The following ZRANB3 variants were observed in gnomAD, a reference collection of about 807,000 sequenced individuals.
ZRANB3 encodes the protein zinc finger RANBP2-type containing 3.
ZRANB3 carries 125 observed loss-of-function variants against 133.8 expected under a neutral mutation model. That is an observed-to-expected ratio of 0.93 (90% CI 0.81 to 1.08). The LOEUF is 1.08. Among genes scored for constraint, ZRANB3 ranks in the 50% least tolerant of loss-of-function variants. The probability of loss-of-function intolerance (pLI) is 0.00; values close to 1 mark genes in which losing one functional copy is unlikely to be tolerated. For missense variants in ZRANB3, 1,229 were observed against 1,275.5 expected (o/e 0.96, Z 0.56); for synonymous variants, 387 against 432.7 (o/e 0.89, Z 1.31).
At chr2:135,321,314 C>T (rs528347765) in intron 6 of ZRANB3, among the ~76,000 whole-genome samples, 33 of 152,250 alleles carry the variant, frequency 2.2e-4, no homozygotes, top group Admixed American at 1.1e-3. Flanking sequence ...TTCTAATGCA[C>T]GTGTACTGGT....
intron 2 of ZRANB3, among the ~76,000 whole-genome samples, chr2:135,401,826 C>T (rs554499042): frequency 1.3e-3 from 201 of 152,234 alleles, no homozygotes; most frequent in African/African-American, 4.7e-3. Flanking sequence ...TTATGTGCAG[C>T]TGAACTCAAT....
At chr2:135,387,819 C>T (rs1687048159) in intron 3 of ZRANB3, among the ~76,000 whole-genome samples, 2 of 152,056 alleles carry the variant, frequency 1.3e-5, no homozygotes, top group Admixed American at 1.3e-4. Context: ...AAGATGACAA[C>T]ATGTGAATCA....
chr2:135,363,868 G>C (rs539390293), intron 3 of ZRANB3, among the ~76,000 whole-genome samples: 7 of 152,206 alleles, frequency 4.6e-5, no homozygotes, highest in Non-Finnish European at 4.4e-5. Context: ...CTGATGCCAG[G>C]ATTTTTGAGA....
intron 15 of ZRANB3, among the ~76,000 whole-genome samples, chr2:135,221,074 C>A (rs1363631491): frequency 6.6e-6 from 1 of 151,940 alleles, no homozygotes; most frequent in Non-Finnish European, 1.5e-5. Context: ...CCAGGCTGGT[C>A]ACGAATTCCT....
At chr2:135,340,199 C>A (rs1573938773) in intron 6 of ZRANB3, among the ~76,000 whole-genome samples, 1 of 150,774 alleles carries the variant, frequency 6.6e-6, no homozygotes, top group South Asian at 2.1e-4. Context: ...TCCGCCTCCT[C>A]AGTTCTAGTG....
chr2:135,519,631 A>G (rs946548124), intron 1 of ZRANB3, among the ~76,000 whole-genome samples: 1 of 152,218 alleles, frequency 6.6e-6, no homozygotes, highest in Admixed American at 6.5e-5. Context: ...CTGGTCCTAT[A>G]AACAGTTATA....
At chr2:135,435,456 A>G (rs1689492264) in intron 2 of ZRANB3, among the ~76,000 whole-genome samples, 1 of 152,106 alleles carries the variant, frequency 6.6e-6, no homozygotes, top group Non-Finnish European at 1.5e-5. Flanking sequence ...TTGAACATTC[A>G]CATGCATGTG....
intron 8 of ZRANB3, among the ~76,000 whole-genome samples, chr2:135,289,205 A>G (rs932860265): frequency 1.3e-5 from 2 of 152,072 alleles, no homozygotes; most frequent in Non-Finnish European, 2.9e-5. Context: ...TCAGGAACAG[A>G]CTATTTAATT....
At chr2:135,512,349 T>C (rs1693503169) in intron 1 of ZRANB3, among the ~76,000 whole-genome samples, 2 of 152,180 alleles carry the variant, frequency 1.3e-5, no homozygotes, top group Admixed American at 1.3e-4. Flanking sequence ...AATCAGATAT[T>C]GTTAAAATAC....
At chr2:135,358,751 A>G (rs1295365188) in intron 3 of ZRANB3, among the ~76,000 whole-genome samples, 1 of 152,174 alleles carries the variant, frequency 6.6e-6, no homozygotes, top group Non-Finnish European at 1.5e-5. Flanking sequence ...ATGGAAGCAA[A>G]CAGAAGGATA....
intron 6 of ZRANB3, among the ~76,000 whole-genome samples, chr2:135,340,682 G>C (rs1684608349): frequency 6.6e-6 from 1 of 151,802 alleles, no homozygotes; most frequent in East Asian, 1.9e-4. Context: ...TGTATTTTTT[G>C]TATTTTGTAA....
chr2:135,455,758 A>T (rs1179535849), intron 2 of ZRANB3, among the ~76,000 whole-genome samples: 1 of 149,864 alleles, frequency 6.7e-6, no homozygotes, highest in East Asian at 2.0e-4. Context: ...CACCCAGCTA[A>T]TTTCTTTTTG....
intron 2 of ZRANB3, among the ~76,000 whole-genome samples, chr2:135,493,979 A>G (rs1010621128): frequency 3.3e-5 from 5 of 152,306 alleles, no homozygotes; most frequent in African/African-American, 1.2e-4. Flanking sequence ...ATCCACATAA[A>G]CTGCATGATT....
intron 2 of ZRANB3, among the ~76,000 whole-genome samples, chr2:135,407,844 C>A (rs60890506): frequency 0.019 from 2,021 of 104,448 alleles, 118 homozygotes; most frequent in African/African-American, 0.076. Flanking sequence ...AAAGACTTAC[C>A]ACGTTAGACC....
chr2:135,525,986 G>A (rs1239566291), intron 1 of ZRANB3, among the ~76,000 whole-genome samples: 1 of 151,918 alleles, frequency 6.6e-6, no homozygotes, highest in African/African-American at 2.4e-5. Context: ...GGTATCTAAA[G>A]TATGTAGTCA....
At chr2:135,217,746 T>C (rs752856424) in intron 16 of ZRANB3, 139 bp from the exon 17 acceptor site, 10 of 999,828 alleles carry the variant, frequency 1.0e-5, no homozygotes, top group African/African-American at 1.6e-5. Context: ...AACCTAAGGC[T>C]TTCTTCAATT....
chr2:135,496,872 A>T (rs1353706911), intron 2 of ZRANB3, among the ~76,000 whole-genome samples: 1 of 152,212 alleles, frequency 6.6e-6, no homozygotes, highest in Non-Finnish European at 1.5e-5. Context: ...CGCTTTGTTT[A>T]GAATGTCATG....
chr2:135,448,987 T>C (rs967684800), intron 2 of ZRANB3, among the ~76,000 whole-genome samples: 2 of 152,200 alleles, frequency 1.3e-5, no homozygotes, highest in African/African-American at 4.8e-5. Context: ...ATGACTAAAA[T>C]AGAAATAACC....
intron 2 of ZRANB3, among the ~76,000 whole-genome samples, chr2:135,470,673 T>C (rs1164770400): frequency 6.6e-6 from 1 of 151,938 alleles, no homozygotes; most frequent in Non-Finnish European, 1.5e-5. Context: ...GGTGACAGAT[T>C]GAGACTCCAT....
Sources: gnomAD v4.1 joint callset for allele counts (sites outside exome capture counted in the v4.1 genomes callset) on GRCh38, gnomAD v4.1.1 for gene constraint, MANE v1.5 for transcripts, NCBI Gene and HGNC (gene_info 2026-07-23, HGNC 2026-07-21) for gene names.